The following OTUD7A variants were observed in gnomAD, a reference collection of about 807,000 sequenced individuals.
The protein encoded by OTUD7A is OTU deubiquitinase 7A, also known as OTU domain-containing protein 7A.
In OTUD7A, 12 loss-of-function variants were observed where a neutral mutation model predicts 65.7. That is an observed-to-expected ratio of 0.18 (90% CI 0.12 to 0.30). The LOEUF (loss-of-function observed/expected upper bound fraction) is 0.30, where lower values mean the gene tolerates loss of function less well. Among genes scored for constraint, OTUD7A ranks in the 10% least tolerant of loss-of-function variants. OTUD7A has a pLI of 1.00. For missense variants in OTUD7A, 1,148 were observed against 1,304.8 expected, an observed-to-expected ratio of 0.88 and a Z score of 1.85; for synonymous variants, 641 against 586.3, an observed-to-expected ratio of 1.09 and a Z score of -1.35.
chr15:31,503,422 G>A (rs1049791538), intron 9 of OTUD7A, among the ~76,000 whole-genome samples: 10 of 152,200 alleles, frequency 6.6e-5, no homozygotes, highest in African/African-American at 2.2e-4. Flanking sequence ...CTAGGCACAC[G>A]ACAGGAGACA....
chr15:31,769,173 T>C lies in OTUD7A; in HGVS notation c.-100+101334A>G, dbSNP rs76691085. 3.0e-4 allele frequency among the ~76,000 whole-genome samples: 46 copies of C among 152,322 alleles called. No homozygotes were observed. The East Asian group carries it at 6.2e-3, about 20-fold the overall frequency. On this transcript the variant is annotated intron_variant, in intron 1 of 12. Transcript: ENST00000307050. ...CAAAAGTAAATGATGGCCAAAGATA[T>C]GTCATGAAAACATTAATGGAATCAA...
In OTUD7A at chr15:31,731,849, T is replaced by C. The variant is rs1474560746; in HGVS notation, c.-99-74772A>G. Among the ~76,000 whole-genome samples, 5 of 152,024 alleles carry C rather than the reference T, an allele frequency of 3.3e-5. No homozygotes were observed. The South Asian group carries it at 1.0e-3, about 32-fold the overall frequency. On this transcript the variant is annotated intron_variant, in intron 1 of 12. Coordinates refer to ENST00000307050, the MANE Select transcript of OTUD7A (RefSeq NM_001382637.1). The stretch of plus-strand genomic sequence containing the variant: ...TTACACCTTCCTCTCAATTTTGCTG[T>C]GAACCTAAAACTGCACTAAAAGTAA...
chr15:31,528,886 G>T (rs993051594), intron 6 of OTUD7A, among the ~76,000 whole-genome samples: 3 of 152,256 alleles, frequency 2.0e-5, no homozygotes, highest in African/African-American at 7.2e-5. Context: ...GAAACAAAGT[G>T]CTGGGATAAG....
chr15:31,482,181 A>ATT lies in OTUD7A; in HGVS notation c.*1111_*1112dup, dbSNP rs2041132086. 6.6e-6 allele frequency: 1 copy of ATT among 152,146 alleles called. No homozygotes were observed. Among genetic ancestry groups the ATT allele is most frequent in the South Asian group, 2.1e-4 (1 of 4,832 alleles). 9.4% of individuals were successfully genotyped at this position (152,146 alleles called of 1,614,324 possible). ...CGCTCAGGGATCGGGCTGCTCCCTCATTGTGTCACGAGACGGAGGCAGGGT... is the reference window on the plus strand; with the variant it reads ...CGCTCAGGGATCGGGCTGCTCCCTCATTTTGTGTCACGAGACGGAGGCAGGGT... On this transcript the variant is annotated 3_prime_UTR_variant, in exon 13 of 13. Transcript: ENST00000307050.
At chr15:31,510,431 CT>C (rs1369942825) in intron 8 of OTUD7A, among the ~76,000 whole-genome samples, 89 of 143,544 alleles carry the variant, frequency 6.2e-4, no homozygotes, top group East Asian at 6.0e-4. Context: ...GGAGCTTAGT[CT>C]TTTTTTTTTC....
chr15:31,834,913 G>C (rs556364600), intron 1 of OTUD7A, among the ~76,000 whole-genome samples: 1 of 152,376 alleles, frequency 6.6e-6, no homozygotes, highest in African/African-American at 2.4e-5. Context: ...GACAAATGAA[G>C]TGAGATCACT....
At chr15:31,755,866 T>C (rs556078012) in intron 1 of OTUD7A, among the ~76,000 whole-genome samples, 1 of 150,462 alleles carries the variant, frequency 6.6e-6, no homozygotes, top group East Asian at 2.0e-4. Context: ...CTAGGTCTGT[T>C]AACAGACTGG....
At position 31,736,165 on chromosome 15, in the gene OTUD7A, C is replaced by T. The variant is rs114943736; in HGVS notation, c.-99-79088G>A. Among the ~76,000 whole-genome samples the T allele has an allele frequency of 2.9e-3, 443 of 152,210 alleles. 3 individuals are homozygous for T. The highest frequency in any genetic ancestry group is 0.01 in the African/African-American group (432 of 41,530). On this transcript the variant is annotated intron_variant, in intron 1 of 12. Coordinates refer to ENST00000307050, the MANE Select transcript of OTUD7A (RefSeq NM_001382637.1). The stretch of plus-strand genomic sequence containing the variant: ...ATCTGTACAACAAACCCCCACAACA[C>T]AAGTTTACCTTTGTAACAAACATGT...
chr15:31,846,073 C>T (rs1897287526), intron 1 of OTUD7A, among the ~76,000 whole-genome samples: 1 of 152,244 alleles, frequency 6.6e-6, no homozygotes, highest in South Asian at 2.1e-4. Context: ...TCTCGGGCTT[C>T]AAGCCCCTGC....
At chr15:31,713,470 T>C (rs1406981967) in intron 1 of OTUD7A, among the ~76,000 whole-genome samples, 1 of 152,026 alleles carries the variant, frequency 6.6e-6, no homozygotes, top group East Asian at 1.9e-4. Flanking sequence ...AATACAAAAA[T>C]TAGCCGAGTG....
intron 1 of OTUD7A, chr15:31,767,880 G>T (rs1013193147): frequency 7.5e-7 from 1 of 1,337,334 alleles, no homozygotes; most frequent in Non-Finnish European, 1.1e-6. Flanking sequence ...GTTTTAAGTG[G>T]CAACGTTGCA....
intron 3 of OTUD7A, among the ~76,000 whole-genome samples, chr15:31,639,197 C>A (rs1891438333): frequency 6.6e-6 from 1 of 152,116 alleles, no homozygotes; most frequent in African/African-American, 2.4e-5. Context: ...AATCACTGAC[C>A]TGCATTCCAT....
chr15:31,564,919 T>A (rs1434828055), intron 4 of OTUD7A, among the ~76,000 whole-genome samples: 1 of 152,076 alleles, frequency 6.6e-6, no homozygotes, highest in Non-Finnish European at 1.5e-5. Context: ...GATTTCAAGA[T>A]AAAAACCATT....
intron 1 of OTUD7A, among the ~76,000 whole-genome samples, chr15:31,827,243 G>A (rs1376291965): frequency 2.0e-5 from 3 of 152,248 alleles, no homozygotes; most frequent in African/African-American, 7.2e-5. Context: ...ATGTGGCTGG[G>A]GAAGCCTCAC....
intron 3 of OTUD7A, 110 bp from the exon 4 acceptor site, chr15:31,570,307 AT>A: frequency 8.0e-7 from 1 of 1,253,926 alleles, no homozygotes; most frequent in Non-Finnish European, 1.1e-6. Context: ...AAACTAATGA[AT>A]TTTTACCAGT....
rs182382218 is a variant in OTUD7A at position 31,555,430 on chromosome 15, T to G, written c.550+3539A>C. 2.8e-3 allele frequency among the ~76,000 whole-genome samples: 430 copies of G among 152,352 alleles called. 5 individuals carry two copies. Among genetic ancestry groups the G allele is most frequent in the African/African-American group, 9.8e-3 (409 of 41,576 alleles). ...GTTTATTCATAAAGATTCTAAGCAC[T>G]AAGCTATTAGGAAGAGGCATTTACC... On this transcript the variant is annotated intron_variant, in intron 5 of 12. Transcript: ENST00000307050.
Position 31,476,732 on chromosome 15 carries a change from C to T in OTUD7A, c.*6562G>A, listed in dbSNP as rs1003922853. On this transcript the variant is annotated 3_prime_UTR_variant, in exon 13 of 13. Transcript: ENST00000307050. ...GCATCAAGAGAAATGACAGCAAAAC[C>T]ACGGAAGTGGATTAAACAGGAGGAC... 1 of 152,284 alleles carries T rather than the reference C, an allele frequency of 6.6e-6. No individual in the cohort carries two copies. Among genetic ancestry groups the T allele is most frequent in the Non-Finnish European group, 1.5e-5 (1 of 68,066 alleles). 9.4% of individuals were successfully genotyped at this position (152,284 alleles called of 1,614,324 possible). A position where few individuals can be genotyped will look rare whatever the true frequency, so the allele number is the denominator to read the frequency against.
intron 10 of OTUD7A, among the ~76,000 whole-genome samples, chr15:31,492,813 A>C (rs933399942): frequency 6.6e-6 from 1 of 152,236 alleles, no homozygotes; most frequent in Non-Finnish European, 1.5e-5. Context: ...TAATCCAAAC[A>C]TATCATTAAT....
At chr15:31,610,897 G>A (rs2141223019) in intron 3 of OTUD7A, among the ~76,000 whole-genome samples, 1 of 151,656 alleles carries the variant, frequency 6.6e-6, no homozygotes, top group Middle Eastern at 3.4e-3. Context: ...CCAAAGTGCT[G>A]GGATTACAGG....
Sources: gnomAD v4.1 joint callset for allele counts (sites outside exome capture counted in the v4.1 genomes callset) on GRCh38, gnomAD v4.1.1 for gene constraint, MANE v1.5 for transcripts, NCBI Gene and HGNC (gene_info 2026-07-23, HGNC 2026-07-21) for gene names.